Variants in CROT observed in about 807,000 individuals in gnomAD.
CROT encodes carnitine O-octanoyltransferase.
A neutral mutation model predicts 89.2 loss-of-function variants in CROT; 84 were observed. The observed-to-expected ratio is 0.94, with a 90% CI of 0.79 to 1.13. The LOEUF is 1.13. CROT is among the 50% of genes most tolerant of loss of function. The pLI is 0.00. For missense variants in CROT, 711 were observed against 727.8 expected, an observed-to-expected ratio of 0.98 and a Z score of 0.27; for synonymous variants, 212 against 239.5, an observed-to-expected ratio of 0.89 and a Z score of 1.06.
chr7:87,387,997 A>G (rs1807234497), intron 13 of CROT, among the ~76,000 whole-genome samples: 1 of 152,172 alleles, frequency 6.6e-6, no homozygotes, highest in Non-Finnish European at 1.5e-5. Flanking sequence ...TTCTGTGTCC[A>G]CAGTCAAATG....
intron 10 of CROT, among the ~76,000 whole-genome samples, chr7:87,379,915 A>G (rs774887662): frequency 1.3e-4 from 20 of 152,242 alleles, no homozygotes; most frequent in Non-Finnish European, 2.4e-4. Flanking sequence ...GTTCAGCACC[A>G]GCTTGGGCAA....
chr7:87,367,146 T>C (rs934895452), intron 6 of CROT, among the ~76,000 whole-genome samples: 1 of 152,224 alleles, frequency 6.6e-6, no homozygotes, highest in Non-Finnish European at 1.5e-5. Context: ...TGCTAGTCAG[T>C]TGACCTTGAA....
At chr7:87,393,651 C>A (rs1431594348) in intron 17 of CROT, among the ~76,000 whole-genome samples, 1 of 152,136 alleles carries the variant, frequency 6.6e-6, no homozygotes, top group African/African-American at 2.4e-5. Context: ...GTCTGGCAGT[C>A]TCTTTACAGG....
chr7:87,346,448 C>T lies in CROT; in HGVS notation c.-22+18C>T, dbSNP rs1805680541. 1 of 152,202 alleles carries T rather than the reference C, an allele frequency of 6.6e-6. No homozygotes were observed. 9.4% of individuals were successfully genotyped at this position (152,202 alleles called of 1,614,324 possible). On this transcript the variant is annotated intron_variant, in intron 2 of 17. Transcript: ENST00000331536. ...GTGTACTGGTATGTGACAATTCCTT[C>T]ACGTATTGTTCGTGGTTCTTTTCCA...
At chr7:87,351,892 C>T (rs1450934599) in intron 3 of CROT, among the ~76,000 whole-genome samples, 1 of 152,222 alleles carries the variant, frequency 6.6e-6, no homozygotes, top group Non-Finnish European at 1.5e-5. Flanking sequence ...GGTTCTGACA[C>T]ATGAATATTG....
chr7:87,379,683 A>T (rs1248730842), intron 10 of CROT, among the ~76,000 whole-genome samples: 1 of 152,226 alleles, frequency 6.6e-6, no homozygotes, highest in Non-Finnish European at 1.5e-5. Context: ...TGTGTGCATT[A>T]ACATGCATAT....
At chr7:87,386,428 G>T (rs1411192963) in intron 13 of CROT, among the ~76,000 whole-genome samples, 1 of 151,960 alleles carries the variant, frequency 6.6e-6, no homozygotes, top group East Asian at 1.9e-4. Flanking sequence ...TTCCTTCTAG[G>T]TTTTCCAATT....
rs779512252 is a variant in CROT at position 87,382,433 on chromosome 7, G to A, written c.1191G>A (p.Ala397=). The change falls in exon 13 of 18, where the codon GCG becomes GCA. Residue 397 remains alanine, a synonymous_variant. Transcript: ENST00000331536. ...GTTAGGCATCTGATCTACAGATTGC[G>A]GCTTATGCCTTTACATCTTTTGGCA... is the stretch of plus-strand genomic sequence containing the variant. ...YLREASDLQI[A]AYAFTSFGKK... 2.8e-5 allele frequency: 45 copies of A among 1,613,256 alleles called. No homozygotes were observed. Among genetic ancestry groups the A allele is most frequent in the Admixed American group, 6.7e-5 (4 of 59,858 alleles).
chr7:87,359,231 A>T lies in CROT; in HGVS notation c.141A>T (p.Glu47Asp). 1 of 1,586,598 alleles carries T rather than the reference A, an allele frequency of 6.3e-7. No individual in the cohort carries two copies. Among genetic ancestry groups the T allele is most frequent in the Admixed American group, 1.7e-5 (1 of 58,832 alleles). The stretch of plus-strand genomic sequence containing the variant: ...TGAAACCATTTGCAAATCAAGAAGA[A>T]TATAAGAAAACTGAAGAAATAGTTC... ...ESVKPFANQEEYKKTEEIVQK... is the reference protein window; with the variant it reads ...ESVKPFANQEDYKKTEEIVQK... Residue 47 changes from glutamate (E) to aspartate (D), a missense_variant, in exon 4 of 18, where the codon GAA (glutamate) becomes GAT (aspartate). Coordinates refer to ENST00000331536, the MANE Select transcript of CROT (RefSeq NM_021151.4).
chr7:87,359,656 G>A (rs957585755), intron 4 of CROT: 1 of 1,069,610 alleles, frequency 9.3e-7, no homozygotes, highest in African/African-American at 1.7e-5. Context: ...TTTTGTCCAG[G>A]TGACTAGCTT....
In CROT at chr7:87,361,503, A is replaced by C. The variant is rs144004176; in HGVS notation, c.354A>C (p.Glu118Asp). Residue 118 changes from glutamate to aspartate, a missense_variant, in exon 5 of 18, where the codon GAA becomes GAC. By Grantham distance (45) the Glu-to-Asp change is conservative. Transcript: ENST00000331536. ...TTGAACACTACTGGCCTCCAAAGGA[A>C]GGGACTCAATTAGAAAGAGGAAGTA... ...AHFEHYWPPK[E>D]GTQLERGSIT... is the part of the protein sequence containing the mutation. 3,043 of 1,612,846 alleles carry C rather than the reference A, an allele frequency of 1.9e-3. 14 individuals are homozygous for C. Among genetic ancestry groups the C allele is most frequent in the Admixed American group, 2.4e-3 (142 of 59,496 alleles).
intron 13 of CROT, 77 bp downstream of exon 13, chr7:87,382,620 A>T (rs1807055551): frequency 2.8e-6 from 4 of 1,427,882 alleles, no homozygotes; most frequent in Admixed American, 2.4e-5. Context: ...TTTCATCCTA[A>T]CTCCTCAGTA....
chr7:87,364,150 G>T (rs975413037), intron 6 of CROT, among the ~76,000 whole-genome samples: 2 of 152,192 alleles, frequency 1.3e-5, no homozygotes, highest in African/African-American at 4.8e-5. Context: ...TTCAAGATTT[G>T]TAGTTTTGGG....
intron 10 of CROT, among the ~76,000 whole-genome samples, chr7:87,377,953 C>T (rs910515744): frequency 2.0e-5 from 3 of 152,078 alleles, no homozygotes; most frequent in Non-Finnish European, 4.4e-5. Flanking sequence ...ACTTTTCTTG[C>T]TTCTCCTCTG....
At chr7:87,361,191 G>GT (rs1806256378) in intron 4 of CROT, among the ~76,000 whole-genome samples, 199 bp from the exon 5 acceptor site, 1 of 151,346 alleles carries the variant, frequency 6.6e-6, no homozygotes, top group African/African-American at 2.4e-5. Flanking sequence ...TCTAGGTCCT[G>GT]GACTCAAGTG....
chr7:87,359,644 C>T lies in CROT; in HGVS notation c.240+314C>T, dbSNP rs908397363. On this transcript the variant is annotated intron_variant, in intron 4 of 17. Transcript: ENST00000331536. ...ATCTGTAGACCATGCTGAAGGAAAA[C>T]ATTTTGTCCAGGTGACTAGCTTGAA... 2.3e-5 allele frequency: 25 copies of T among 1,085,970 alleles called. No homozygotes were observed. In the East Asian group the frequency reaches 1.7e-3, roughly 74 times the overall value. 67.3% of individuals were successfully genotyped at this position (1,085,970 alleles called of 1,614,324 possible).
chr7:87,362,897 A>G (rs994582429), intron 6 of CROT, among the ~76,000 whole-genome samples: 3 of 152,188 alleles, frequency 2.0e-5, no homozygotes, highest in Non-Finnish European at 2.9e-5. Context: ...ACTTCTTTAC[A>G]TGCTTGAGAT....
chr7:87,375,619 C>T lies in CROT; in HGVS notation c.657-13C>T. On this transcript the variant is annotated splice_polypyrimidine_tract_variant and intron_variant, in intron 7 of 17. Transcript: ENST00000331536. ...CTGTACTCTTTTTTAATCTTCTTTT[C>T]ATCTTCCATAAGACAACTGACATAT... 6.3e-7 allele frequency: 1 copy of T among 1,595,518 alleles called. No individual in the cohort carries two copies. Among genetic ancestry groups the T allele is most frequent in the South Asian group, 1.1e-5 (1 of 90,098 alleles).
intron 3 of CROT, 110 bp from the exon 4 acceptor site, chr7:87,359,096 A>T: frequency 1.3e-6 from 1 of 757,826 alleles, no homozygotes; most frequent in South Asian, 1.6e-5. Context: ...TATTTAATAC[A>T]GTACTGTGTT....
Sources: allele counts gnomAD v4.1 joint callset (sites outside exome capture counted in the v4.1 genomes callset), GRCh38; gene constraint gnomAD v4.1.1; transcripts MANE v1.5; gene names NCBI Gene and HGNC (gene_info 2026-07-23, HGNC 2026-07-21).